The following KLHL3 variants were observed in gnomAD, a reference collection of about 807,000 sequenced individuals.
KLHL3 encodes kelch-like protein 3.
KLHL3 carries 19 observed loss-of-function variants against 70.5 expected under a neutral mutation model. That is an observed-to-expected ratio of 0.27 (90% confidence interval 0.19 to 0.40). The LOEUF is 0.40. Ranked by LOEUF, KLHL3 falls within the 10% of genes least tolerant of loss-of-function variation. KLHL3 has a pLI of 1.00. For missense variants in KLHL3, 512 were observed against 771.1 expected, an observed-to-expected ratio of 0.66 and a Z score of 3.98; for synonymous variants, 258 against 290.3, an observed-to-expected ratio of 0.89 and a Z score of 1.13.
intron 5 of KLHL3, among the ~76,000 whole-genome samples, chr5:137,681,489 G>A (rs1752024333): frequency 2.0e-5 from 3 of 152,152 alleles, no homozygotes; most frequent in African/African-American, 7.2e-5. Flanking sequence ...TAATAGTGAA[G>A]TCTAGCTAGA....
rs11442441 is a variant in KLHL3, at chr5:137,655,993, G to GAAAA, written c.903+2134_903+2137dup. On this transcript the variant is annotated intron_variant, in intron 8 of 14. Transcript: ENST00000309755. ...GTAGAAGAACAAGACTCTGCCTCAA[G>GAAAA]AAAAAAAAAAAAAAAAAGGAATAAA... Among the ~76,000 whole-genome samples the GAAAA allele has an allele frequency of 7.2e-3, 778 of 107,912 alleles. 14 individuals are homozygous for GAAAA. The highest frequency in any genetic ancestry group is 0.023 in the Middle Eastern group (4 of 172). The allele number at this position is 107,912 out of a possible 152,430, so 70.8% of individuals were successfully genotyped here.
intron 1 of KLHL3, among the ~76,000 whole-genome samples, chr5:137,728,034 T>C (rs1011459863): frequency 2.0e-5 from 3 of 152,104 alleles, no homozygotes; most frequent in Non-Finnish European, 2.9e-5. Flanking sequence ...CAAGACACAA[T>C]AGACATAACC....
chr5:137,626,107 G>T (rs996536429), intron 13 of KLHL3, among the ~76,000 whole-genome samples: 16 of 152,062 alleles, frequency 1.1e-4, no homozygotes, highest in African/African-American at 3.9e-4. Context: ...TTCCTAACAG[G>T]ATCATTTCTC....
chr5:137,705,812 T>C (rs1303341047), intron 3 of KLHL3, among the ~76,000 whole-genome samples: 1 of 152,130 alleles, frequency 6.6e-6, no homozygotes, highest in Non-Finnish European at 1.5e-5. Context: ...AGAGAAACAC[T>C]GATGAGGAGA....
Position 137,637,678 on chromosome 5 carries a change from T to C in KLHL3, c.1220-283A>G, listed in dbSNP as rs182557002. On this transcript the variant is annotated intron_variant, in intron 10 of 14. Coordinates refer to ENST00000309755, the MANE Select transcript of KLHL3 (RefSeq NM_017415.3). ...AATGTAGATCATAAAAACCGCAGAGTGGGATACTTTGATTCCAAGTAGTCA... is the reference window on the plus strand; with the variant it reads ...AATGTAGATCATAAAAACCGCAGAGCGGGATACTTTGATTCCAAGTAGTCA... 1.6e-4 allele frequency among the ~76,000 whole-genome samples: 24 copies of C among 152,192 alleles called. 1 individual carries two copies. The East Asian group carries it at 2.1e-3, about 13-fold the overall frequency.
Position 137,658,182 on chromosome 5 carries a change from T to C in KLHL3, c.852A>G (p.Leu284=). The C allele has an allele frequency of 1.2e-6, 2 of 1,613,954 alleles. No individual in the cohort carries two copies. Among genetic ancestry groups the C allele is most frequent in the South Asian group, 1.1e-5 (1 of 91,052 alleles). The stretch of plus-strand genomic sequence containing the variant: ...GCTTGGTCCTTGGGTTCTTAATCAA[T>C]AGTCTCTGATCCAGAGGGAGGAGAT... ...KYHLLPLDQR[L]LIKNPRTKPR... is the part of the protein sequence containing the mutation. Residue 284 remains leucine, a synonymous_variant, in exon 8 of 15, where the codon CTA becomes CTG. Coordinates refer to ENST00000309755, the MANE Select transcript of KLHL3 (RefSeq NM_017415.3).
At chr5:137,661,200 A>G (rs1389093709) in intron 7 of KLHL3, 1 of 152,238 alleles carries the variant, frequency 6.6e-6, no homozygotes, top group East Asian at 1.9e-4. Flanking sequence ...AATGACATGG[A>G]TTTGAATCCT....
chr5:137,658,196 G>C lies in KLHL3; in HGVS notation c.838C>G (p.Leu280Val), dbSNP rs138650966. 2 of 1,613,948 alleles carry C rather than the reference G, an allele frequency of 1.2e-6. No individual in the cohort carries two copies. Among genetic ancestry groups the C allele is most frequent in the Non-Finnish European group, 1.7e-6 (2 of 1,179,830 alleles). Reference protein sequence around the residue: ...IEAMKYHLLPLDQRLLIKNPR... With the variant: ...IEAMKYHLLPVDQRLLIKNPR... Reference sequence around the variant, plus strand: ...TTCTTAATCAATAGTCTCTGATCCAGAGGGAGGAGATGGTATTTCATGGCC... The same window carrying C: ...TTCTTAATCAATAGTCTCTGATCCACAGGGAGGAGATGGTATTTCATGGCC... The change falls in exon 8 of 15, where the codon CTG becomes GTG. Residue 280 changes from leucine (L) to valine (V), a missense_variant. Leu to Val is a conservative substitution (Grantham distance 32). Transcript: ENST00000309755.
At chr5:137,660,786 C>T (rs1751453616) in intron 7 of KLHL3, 1 of 152,188 alleles carries the variant, frequency 6.6e-6, no homozygotes, top group African/African-American at 2.4e-5. Context: ...TATAGGCCTA[C>T]ATGGATTATC....
At chr5:137,735,199 A>C (rs890123822) in intron 1 of KLHL3, among the ~76,000 whole-genome samples, 3 of 152,240 alleles carry the variant, frequency 2.0e-5, no homozygotes, top group South Asian at 2.1e-4. Context: ...CTCCTGCGTG[A>C]AAATGCAAGT....
At chr5:137,657,920 G>A (rs561575325) in intron 8 of KLHL3, among the ~76,000 whole-genome samples, 1 of 152,320 alleles carries the variant, frequency 6.6e-6, no homozygotes, top group African/African-American at 2.4e-5. Context: ...GATGACATTG[G>A]AGGTTACCTT....
At chr5:137,628,710 T>G in intron 12 of KLHL3, 3 of 214,916 alleles carry the variant, frequency 1.4e-5, no homozygotes, top group East Asian at 1.0e-4. Flanking sequence ...TATATATATA[T>G]ATACACACAC....
chr5:137,634,295 A>AC, intron 11 of KLHL3, 130 bp from the exon 12 acceptor site: 1 of 978,100 alleles, frequency 1.0e-6, no homozygotes, highest in Non-Finnish European at 1.5e-6. Flanking sequence ...TCTCCAGGGG[A>AC]CCACCAACTT....
At chr5:137,622,892 A>G (rs778759447) in intron 14 of KLHL3, among the ~76,000 whole-genome samples, 4 of 152,246 alleles carry the variant, frequency 2.6e-5, no homozygotes, top group Non-Finnish European at 4.4e-5. Flanking sequence ...TACAGCCACC[A>G]GCAAGTTGCA....
chr5:137,665,030 T>C (rs2905582), intron 6 of KLHL3, among the ~76,000 whole-genome samples: 24,052 of 152,172 alleles, frequency 0.16, 2,551 homozygotes, highest in East Asian at 0.4. Flanking sequence ...AAAGACACAG[T>C]ATCTCCTAAG....
Position 137,687,248 on chromosome 5 carries a change from C to CG in KLHL3, c.526+5036dup, listed in dbSNP as rs1267276240. ...AGCCGCCCCGTCCGGGAGGGAGGCG[C>CG]GGGGGGGGGTCGGCCAGCCGCCCTG... On this transcript the variant is annotated intron_variant, in intron 5 of 14. Coordinates refer to ENST00000309755, the MANE Select transcript of KLHL3 (RefSeq NM_017415.3). 3.1e-3 allele frequency among the ~76,000 whole-genome samples: 36 copies of CG among 11,662 alleles called. 3 individuals carry two copies. Among genetic ancestry groups the CG allele is most frequent in the Middle Eastern group, 0.045 (1 of 22 alleles). The allele number at this position is 11,662 out of a possible 152,430, so 7.7% of individuals were successfully genotyped here.
At chr5:137,662,240 T>TACACACACACAC (rs138942924) in intron 6 of KLHL3, among the ~76,000 whole-genome samples, 8 of 141,768 alleles carry the variant, frequency 5.6e-5, no homozygotes, top group East Asian at 2.1e-4. Flanking sequence ...ACACACACTC[T>TACACACACACAC]ACACACACAC....
At chr5:137,623,391 G>A (rs1471239179) in intron 14 of KLHL3, among the ~76,000 whole-genome samples, 1 of 152,156 alleles carries the variant, frequency 6.6e-6, no homozygotes, top group African/African-American at 2.4e-5. Context: ...TTTATTCCTG[G>A]CTAAAGGTGC....
rs1751091718 is a variant in KLHL3 at position 137,647,757 on chromosome 5, A to G, written c.904-7780T>C. ...GGCAAGTACTGATAGCAAGGTGCAGAGAAAATGGGGGTCTGAGAACCAGGT... is the reference window on the plus strand; with the variant it reads ...GGCAAGTACTGATAGCAAGGTGCAGGGAAAATGGGGGTCTGAGAACCAGGT... On this transcript the variant is annotated intron_variant, in intron 8 of 14. Transcript: ENST00000309755. The G allele has an allele frequency of 8.1e-6, 3 of 368,756 alleles. No individual in the cohort carries two copies. The Admixed American group carries it at 1.1e-4, about 13-fold the overall frequency. 22.8% of individuals were successfully genotyped at this position (368,756 alleles called of 1,614,324 possible).
Sources: gnomAD v4.1 joint callset for allele counts (sites outside exome capture counted in the v4.1 genomes callset) on GRCh38, gnomAD v4.1.1 for gene constraint, MANE v1.5 for transcripts, NCBI Gene and HGNC (gene_info 2026-07-23, HGNC 2026-07-21) for gene names.